Variants in ZC3HC1 observed in about 807,000 individuals in gnomAD.
ZC3HC1 encodes zinc finger C3HC-type protein 1.
A neutral mutation model predicts 61.9 loss-of-function variants in ZC3HC1; 38 were observed. That is an observed-to-expected ratio of 0.61 (90% CI 0.47 to 0.81). ZC3HC1 has a LOEUF of 0.81. ZC3HC1 is among the 30% of genes least tolerant of loss of function. The pLI, the probability that ZC3HC1 is intolerant of heterozygous loss-of-function variation, is 0.00. For synonymous variants in ZC3HC1, 213 were observed against 229.9 expected (o/e 0.93, Z 0.67); for missense variants, 554 against 622.7 (o/e 0.89, Z 1.17).
At chr7:130,048,884 G>A in intron 2 of ZC3HC1, 149 bp downstream of exon 2, 2 of 509,656 alleles carry the variant, frequency 3.9e-6, no homozygotes, top group Non-Finnish European at 6.4e-6. Context: ...CCCTCTGAGT[G>A]ATAACATATT....
chr7:130,029,110 C>A, intron 4 of ZC3HC1, 81 bp from the exon 5 acceptor site: 1 of 1,453,348 alleles, frequency 6.9e-7, no homozygotes, highest in Non-Finnish European at 9.2e-7. Context: ...GTGGCTCATA[C>A]CTGTAATCCC....
chr7:130,036,191 G>C (rs937694975), intron 4 of ZC3HC1, among the ~76,000 whole-genome samples: 2 of 152,040 alleles, frequency 1.3e-5, no homozygotes, highest in Non-Finnish European at 2.9e-5. Context: ...CAATCCAAGG[G>C]AAAAGTTGGA....
intron 6 of ZC3HC1, among the ~76,000 whole-genome samples, chr7:130,024,836 G>C (rs1793819117): frequency 7.0e-6 from 1 of 143,706 alleles, no homozygotes; most frequent in African/African-American, 2.6e-5. Flanking sequence ...CTGAGGTCAG[G>C]AGTTCGAGAC....
chr7:130,031,196 GCGCATGC>G (rs1005956212), intron 4 of ZC3HC1, among the ~76,000 whole-genome samples: 24 of 151,708 alleles, frequency 1.6e-4, no homozygotes, highest in African/African-American at 5.8e-4. Context: ...AGGCATGGTG[GCGCATGC>G]CTGTAATCCC....
chr7:130,020,274 CTTTTTTT>C (rs531130416), intron 9 of ZC3HC1, among the ~76,000 whole-genome samples: 11 of 134,674 alleles, frequency 8.2e-5, no homozygotes, highest in South Asian at 4.8e-4. Flanking sequence ...ACACTTTTTT[CTTTTTTT>C]TTTTTTTTTG....
chr7:130,018,800 C>A, intron 9 of ZC3HC1, 68 bp from the exon 10 acceptor site: 1 of 1,385,640 alleles, frequency 7.2e-7, no homozygotes, highest in Non-Finnish European at 1.0e-6. Flanking sequence ...GATCATTTGT[C>A]CCACAATGAT....
At chr7:130,036,855 C>T (rs2116730741) in intron 4 of ZC3HC1, 1 of 152,272 alleles carries the variant, frequency 6.6e-6, no homozygotes. Flanking sequence ...AAGTGACTTT[C>T]AGGTTTCTGG....
intron 4 of ZC3HC1, among the ~76,000 whole-genome samples, chr7:130,037,250 C>A (rs574428160): frequency 6.6e-6 from 1 of 152,306 alleles, no homozygotes; most frequent in Admixed American, 6.5e-5. Flanking sequence ...TCAAGACCAG[C>A]CTGGCCAACA....
chr7:130,029,159 T>C, intron 4 of ZC3HC1, 130 bp from the exon 5 acceptor site: 1 of 1,046,638 alleles, frequency 9.6e-7, no homozygotes, highest in Non-Finnish European at 1.3e-6. Flanking sequence ...TCACCTGAGG[T>C]CAGGAGTTCA....
At chr7:130,034,190 T>A (rs1369175677) in intron 4 of ZC3HC1, among the ~76,000 whole-genome samples, 1 of 150,074 alleles carries the variant, frequency 6.7e-6, no homozygotes, top group Non-Finnish European at 1.5e-5. Flanking sequence ...TTTTTTTTTT[T>A]AAGAGACAGG....
intron 4 of ZC3HC1, among the ~76,000 whole-genome samples, chr7:130,038,191 G>A (rs901766215): frequency 3.3e-5 from 5 of 152,174 alleles, no homozygotes; most frequent in African/African-American, 7.2e-5. Context: ...CTGATTCAAG[G>A]GAGAGTATGT....
At chr7:130,045,240 AG>A (rs1794816928) in intron 2 of ZC3HC1, 2 of 186,022 alleles carry the variant, frequency 1.1e-5, no homozygotes, top group Non-Finnish European at 1.2e-5. Flanking sequence ...CAGGGAAAAA[AG>A]GTTCTTTGTA....
At position 130,050,904 on chromosome 7, in the gene ZC3HC1, A is replaced by C. The variant is rs190899536; in HGVS notation, c.146+317T>G. 1.4e-4 allele frequency among the ~76,000 whole-genome samples: 21 copies of C among 152,360 alleles called. No homozygotes were observed. The East Asian group carries it at 4.0e-3, about 29-fold the overall frequency. On this transcript the variant is annotated intron_variant, in intron 1 of 9. Transcript: ENST00000358303. ...GTTAATAAGCTTCTCCAGAGAGCCA[A>C]AGGGGTCCACGGCACAAAAAAAGGT...
chr7:130,043,921 G>A, intron 2 of ZC3HC1: 1 of 442,734 alleles, frequency 2.3e-6, no homozygotes, highest in Non-Finnish European at 4.5e-6. Context: ...TCACAGTGTT[G>A]AATATGGGAG....
At chr7:130,019,250 C>T (rs1226320459) in intron 9 of ZC3HC1, among the ~76,000 whole-genome samples, 2 of 151,982 alleles carry the variant, frequency 1.3e-5, no homozygotes, top group Non-Finnish European at 2.9e-5. Flanking sequence ...GGGGTCTCAC[C>T]GTGTTAGCCA....
chr7:130,033,522 G>A (rs1344928738), intron 4 of ZC3HC1, among the ~76,000 whole-genome samples: 2 of 139,332 alleles, frequency 1.4e-5, no homozygotes, highest in African/African-American at 2.8e-5. Context: ...ACACGATCCC[G>A]GCTCACTGCA....
intron 9 of ZC3HC1, among the ~76,000 whole-genome samples, chr7:130,019,024 T>C (rs767286275): frequency 2.0e-5 from 3 of 151,994 alleles, no homozygotes; most frequent in Non-Finnish European, 4.4e-5. Context: ...GACTTGCCGT[T>C]AGTACAGCAC....
chr7:130,048,979 A>G, intron 2 of ZC3HC1, 54 bp downstream of exon 2: 1 of 1,409,064 alleles, frequency 7.1e-7, no homozygotes, highest in East Asian at 2.4e-5. Flanking sequence ...AATACCTTGG[A>G]GGAATTCTAG....
intron 4 of ZC3HC1, among the ~76,000 whole-genome samples, chr7:130,034,912 A>G (rs568119487): frequency 1.5e-4 from 23 of 152,148 alleles, no homozygotes; most frequent in African/African-American, 5.1e-4. Context: ...CCTTCAAAAA[A>G]TCTCGTAGCT....
Sources: gnomAD v4.1 joint callset for allele counts (sites outside exome capture counted in the v4.1 genomes callset) on GRCh38, gnomAD v4.1.1 for gene constraint, MANE v1.5 for transcripts, NCBI Gene and HGNC (gene_info 2026-07-23, HGNC 2026-07-21) for gene names.